Variants in SLIT3 observed in about 807,000 individuals in gnomAD.
The protein encoded by SLIT3 is slit guidance ligand 3.
In SLIT3, 68 loss-of-function variants were observed where a neutral mutation model predicts 184.0. The ratio of observed to expected loss-of-function variants is 0.37; its 90% confidence interval spans 0.30 to 0.45. SLIT3 has a LOEUF of 0.45. SLIT3 is among the 20% of genes least tolerant of loss of function. The pLI is 1.00. For synonymous variants in SLIT3, 831 were observed against 828.6 expected (o/e 1.00, Z -0.05); for missense variants, 1,707 against 2,026.0 (o/e 0.84, Z 3.02).
At chr5:168,986,791 A>G (rs956804130) in intron 4 of SLIT3, among the ~76,000 whole-genome samples, 2 of 152,226 alleles carry the variant, frequency 1.3e-5, no homozygotes, top group African/African-American at 4.8e-5. Flanking sequence ...TGGGGGTCAT[A>G]ACAACAAAGA....
intron 10 of SLIT3, chr5:168,791,239 C>G (rs189112824): frequency 1.3e-5 from 2 of 152,334 alleles, no homozygotes; most frequent in Non-Finnish European, 2.9e-5. Context: ...ATTGTCCCTT[C>G]AAGGTGCTGA....
At chr5:169,240,367 T>A (rs1765356741) in intron 3 of SLIT3, among the ~76,000 whole-genome samples, 1 of 151,824 alleles carries the variant, frequency 6.6e-6, no homozygotes, top group Non-Finnish European at 1.5e-5. Context: ...TTTGTCTATT[T>A]TTTTTTTAGT....
intron 8 of SLIT3, among the ~76,000 whole-genome samples, chr5:168,814,409 A>G (rs1282456037): frequency 8.7e-6 from 1 of 114,576 alleles, no homozygotes; most frequent in Admixed American, 8.3e-5. Context: ...AAACAAACAA[A>G]CAAACAAACA....
chr5:168,791,630 G>C (rs1444813450), intron 10 of SLIT3: 1 of 152,110 alleles, frequency 6.6e-6, no homozygotes, highest in Non-Finnish European at 1.5e-5. Context: ...TACATATTTG[G>C]TGTGCAACAC....
chr5:169,139,423 C>T (rs1481078766), intron 4 of SLIT3, among the ~76,000 whole-genome samples: 1 of 152,208 alleles, frequency 6.6e-6, no homozygotes, highest in Non-Finnish European at 1.5e-5. Context: ...TACAGCTCTT[C>T]CAGCATCATC....
intron 12 of SLIT3, among the ~76,000 whole-genome samples, chr5:168,779,814 C>G (rs1755902442): frequency 6.6e-6 from 1 of 152,230 alleles, no homozygotes; most frequent in South Asian, 2.1e-4. Flanking sequence ...GTAGCAGCTT[C>G]CAGCTTCTTT....
At chr5:169,005,302 G>A (rs1561601903) in intron 4 of SLIT3, among the ~76,000 whole-genome samples, 1 of 152,168 alleles carries the variant, frequency 6.6e-6, no homozygotes, top group Non-Finnish European at 1.5e-5. Context: ...TATATTCTGT[G>A]ACAGTAGCCT....
intron 4 of SLIT3, among the ~76,000 whole-genome samples, chr5:168,993,276 G>T (rs1755394493): frequency 6.6e-6 from 1 of 152,240 alleles, no homozygotes; most frequent in South Asian, 2.1e-4. Flanking sequence ...TGCTGTGAGG[G>T]TCAGGGCTCT....
chr5:169,152,600 C>G (rs1762153387), intron 4 of SLIT3, among the ~76,000 whole-genome samples: 1 of 152,116 alleles, frequency 6.6e-6, no homozygotes, highest in African/African-American at 2.4e-5. Context: ...AGTATATGGG[C>G]TGAGAGTCTA....
intron 4 of SLIT3, among the ~76,000 whole-genome samples, chr5:168,920,764 C>T (rs888659860): frequency 6.6e-6 from 1 of 152,066 alleles, no homozygotes; most frequent in Non-Finnish European, 1.5e-5. Flanking sequence ...GTCTCTGCTT[C>T]TTTCTTTTTC....
At chr5:169,124,338 A>G (rs988688585) in intron 4 of SLIT3, among the ~76,000 whole-genome samples, 4 of 152,308 alleles carry the variant, frequency 2.6e-5, no homozygotes, top group African/African-American at 9.6e-5. Flanking sequence ...ACACATACAC[A>G]CACACATAGA....
chr5:169,289,251 A>G (rs979770487), intron 1 of SLIT3, among the ~76,000 whole-genome samples: 1 of 152,206 alleles, frequency 6.6e-6, no homozygotes, highest in Non-Finnish European at 1.5e-5. Flanking sequence ...CACTAATTCC[A>G]CTTAGAATCC....
Position 168,665,357 on chromosome 5 carries a change from C to CCA in SLIT3, c.*1095_*1096dup, listed in dbSNP as rs554319514. 56 of 152,344 alleles carry CCA rather than the reference C, an allele frequency of 3.7e-4. No homozygotes were observed. Among genetic ancestry groups the CCA allele is most frequent in the African/African-American group, 1.3e-3 (52 of 41,552 alleles). 9.4% of individuals were successfully genotyped at this position (152,344 alleles called of 1,614,324 possible). Reference sequence around the variant, plus strand: ...GAGGCCTGTCTTACAACAAGAGCCTCCAAGAACCTTCCAGAGTTGGACATC... The same window carrying CCA: ...GAGGCCTGTCTTACAACAAGAGCCTCCACAAGAACCTTCCAGAGTTGGACATC... On this transcript the variant is annotated 3_prime_UTR_variant, in exon 36 of 36. Transcript: ENST00000519560.
intron 4 of SLIT3, among the ~76,000 whole-genome samples, chr5:169,154,299 T>A (rs1278251961): frequency 6.6e-6 from 1 of 152,164 alleles, no homozygotes; most frequent in Admixed American, 6.5e-5. Context: ...TAACATAGAC[T>A]CTTAATGTTT....
At position 168,922,456 on chromosome 5, in the gene SLIT3, C is replaced by CAAA. The variant is rs34132541; in HGVS notation, c.414-39123_414-39121dup. ...TGGGCAACAGAGCGAGACTCTGTCT[C>CAAA]AAAAAAAAAAAAAAAAAAAAGAAGT... On this transcript the variant is annotated intron_variant, in intron 4 of 35. Coordinates refer to ENST00000519560, the MANE Select transcript of SLIT3 (RefSeq NM_003062.4). 3.0e-3 allele frequency among the ~76,000 whole-genome samples: 244 copies of CAAA among 81,860 alleles called. 4 individuals are homozygous for CAAA. Among genetic ancestry groups the CAAA allele is most frequent in the Middle Eastern group, 7.7e-3 (1 of 130 alleles). The allele number at this position is 81,860 out of a possible 152,430, so 53.7% of individuals were successfully genotyped here.
intron 4 of SLIT3, among the ~76,000 whole-genome samples, chr5:168,884,549 GATATATATATATATAT>G (rs58407375): frequency 0.074 from 3,062 of 41,176 alleles, 280 homozygotes; most frequent in Admixed American, 0.12. Flanking sequence ...CCAATTACGA[GATATATATATATATAT>G]ATATATATAT....
Position 168,753,976 on chromosome 5 carries a change from G to A in SLIT3, c.1717C>T (p.Arg573Ter), listed in dbSNP as rs973112195. 2 of 1,603,896 alleles carry A rather than the reference G, an allele frequency of 1.2e-6. No individual in the cohort carries two copies. The highest frequency in any genetic ancestry group is 1.1e-5 in the South Asian group (1 of 90,334). Residue 573 changes from arginine (R) to a stop codon, truncating the protein, a stop_gained, in exon 17 of 36, where the codon CGA becomes TGA. Transcript: ENST00000519560. LOFTEE classifies it high-confidence loss of function. ...GCTGCTCCATCGAAAGCTCCCTCTCGCACCTCCTTGATCTTATTGTTACTC... is the reference window on the plus strand; with the variant it reads ...GCTGCTCCATCGAAAGCTCCCTCTCACACCTCCTTGATCTTATTGTTACTC... ...NLSNNKIKEV[R>*]EGAFDGAASV...
chr5:169,052,307 G>A (rs902188534), intron 4 of SLIT3, among the ~76,000 whole-genome samples: 1 of 152,038 alleles, frequency 6.6e-6, no homozygotes, highest in Non-Finnish European at 1.5e-5. Flanking sequence ...TCTACAGGAC[G>A]GCCTGTGAAA....
intron 1 of SLIT3, among the ~76,000 whole-genome samples, chr5:169,256,952 A>G (rs765876370): frequency 1.3e-5 from 2 of 152,160 alleles, no homozygotes; most frequent in Admixed American, 6.5e-5. Context: ...AGTAATGATT[A>G]TCATTCATTG....
Sources: allele counts gnomAD v4.1 joint callset (sites outside exome capture counted in the v4.1 genomes callset), GRCh38; gene constraint gnomAD v4.1.1; transcripts MANE v1.5; gene names NCBI Gene and HGNC (gene_info 2026-07-23, HGNC 2026-07-21).